The following RABGAP1L variants were observed in gnomAD, a reference collection of about 807,000 sequenced individuals.
RABGAP1L encodes the protein RAB GTPase activating protein 1 like.
Under a neutral mutation model 137.7 loss-of-function variants are expected in RABGAP1L, and 63 were observed. The ratio of observed to expected loss-of-function variants is 0.46; its 90% confidence interval spans 0.37 to 0.56. The LOEUF is 0.56. Among genes scored for constraint, RABGAP1L ranks in the 20% least tolerant of loss-of-function variants. RABGAP1L has a pLI of 0.00. For missense variants in RABGAP1L, 1,095 were observed against 1,244.0 expected, an observed-to-expected ratio of 0.88 and a Z score of 1.80; for synonymous variants, 431 against 433.7, an observed-to-expected ratio of 0.99 and a Z score of 0.08.
At chr1:174,878,769 G>T (rs1653592718) in intron 19 of RABGAP1L, among the ~76,000 whole-genome samples, 1 of 151,786 alleles carries the variant, frequency 6.6e-6, no homozygotes, top group Non-Finnish European at 1.5e-5. Context: ...AGACTTAAGG[G>T]TTATATCAAC....
intron 5 of RABGAP1L, among the ~76,000 whole-genome samples, 160 bp from the exon 6 acceptor site, chr1:174,250,315 A>G (rs1423356000): frequency 6.6e-6 from 1 of 152,138 alleles, no homozygotes; most frequent in African/African-American, 2.4e-5. Flanking sequence ...GTTGTCATGT[A>G]ATATCTAAAC....
chr1:174,674,054 G>A (rs1034843062), intron 14 of RABGAP1L, among the ~76,000 whole-genome samples: 6 of 143,912 alleles, frequency 4.2e-5, no homozygotes, highest in Admixed American at 4.1e-4. Flanking sequence ...GTTTTTGAGT[G>A]TTCAGAGTTT....
intron 13 of RABGAP1L, among the ~76,000 whole-genome samples, chr1:174,547,472 C>T (rs527999834): frequency 2.0e-4 from 31 of 152,184 alleles, no homozygotes; most frequent in Admixed American, 1.8e-3. Context: ...AAAAAATTAG[C>T]TGGATGTGAT....
At chr1:174,259,097 G>GTT (rs577033996) in intron 7 of RABGAP1L, among the ~76,000 whole-genome samples, 74 of 146,740 alleles carry the variant, frequency 5.0e-4, no homozygotes, top group Non-Finnish European at 4.8e-4. Flanking sequence ...CCAATATTCT[G>GTT]TTTTTTTTTT....
intron 19 of RABGAP1L, among the ~76,000 whole-genome samples, chr1:174,816,096 C>A (rs1690361490): frequency 7.3e-6 from 1 of 137,466 alleles, no homozygotes; most frequent in South Asian, 2.5e-4. Flanking sequence ...ATTTGAATTT[C>A]TTTGTATGAA....
chr1:174,759,644 C>T (rs1418874085), intron 18 of RABGAP1L, among the ~76,000 whole-genome samples: 1 of 151,636 alleles, frequency 6.6e-6, no homozygotes, highest in Non-Finnish European at 1.5e-5. Flanking sequence ...TACAGTTCAA[C>T]AGGTTATATA....
In RABGAP1L at chr1:174,762,112, A is replaced by G. The variant is rs116132089; in HGVS notation, c.2211+9758A>G. 2.0e-3 allele frequency among the ~76,000 whole-genome samples: 299 copies of G among 152,260 alleles called. 1 individual carries two copies. The highest frequency in any genetic ancestry group is 6.9e-3 in the African/African-American group (286 of 41,542). On this transcript the variant is annotated intron_variant, in intron 18 of 25. Coordinates refer to ENST00000681986, the MANE Select transcript of RABGAP1L (RefSeq NM_001366446.1). ...GATGGAAGCCAGCGAGACTGCAACA[A>G]GAGAGTGAGGGAAGGGCGGTAGGAG...
intron 1 of RABGAP1L, among the ~76,000 whole-genome samples, chr1:174,180,711 C>T (rs560910126): frequency 6.6e-5 from 10 of 152,304 alleles, no homozygotes; most frequent in African/African-American, 9.6e-5. Context: ...CAGTTATCCT[C>T]GTGCCTTGGC....
intron 17 of RABGAP1L, among the ~76,000 whole-genome samples, chr1:174,702,998 A>C (rs1679773777): frequency 6.6e-6 from 1 of 152,212 alleles, no homozygotes; most frequent in African/African-American, 2.4e-5. Context: ...TATATAAAAT[A>C]TAGCTATCTT....
chr1:174,472,013 T>C (rs1019825979), intron 13 of RABGAP1L, among the ~76,000 whole-genome samples: 5 of 152,198 alleles, frequency 3.3e-5, no homozygotes, highest in Middle Eastern at 3.2e-3. Context: ...TAATGCATGC[T>C]GTGTATAAGC....
chr1:174,936,971 A>ATTTTTTTTTT (rs909397955), intron 19 of RABGAP1L, among the ~76,000 whole-genome samples: 84 of 101,516 alleles, frequency 8.3e-4, no homozygotes, highest in African/African-American at 3.2e-3. Flanking sequence ...TATAAGATTA[A>ATTTTTTTTTT]TTTTTTTTTT....
chr1:174,527,414 G>T (rs894004864), intron 13 of RABGAP1L, among the ~76,000 whole-genome samples: 3 of 151,844 alleles, frequency 2.0e-5, no homozygotes, highest in Non-Finnish European at 4.4e-5. Context: ...TGTTGGCCAG[G>T]CAAGCTGGTC....
At chr1:174,645,952 T>C (rs573643797) in intron 14 of RABGAP1L, among the ~76,000 whole-genome samples, 6 of 152,340 alleles carry the variant, frequency 3.9e-5, no homozygotes, top group African/African-American at 1.4e-4. Flanking sequence ...ATTTCTCTAG[T>C]GACCAATTAT....
intron 13 of RABGAP1L, among the ~76,000 whole-genome samples, chr1:174,578,625 A>C (rs904835973): frequency 6.6e-6 from 1 of 152,200 alleles, no homozygotes; most frequent in East Asian, 1.9e-4. Context: ...ATTTGTGAAG[A>C]GGTTAATTTT....
chr1:174,588,019 A>G lies in RABGAP1L; in HGVS notation c.1711-49356A>G, dbSNP rs535398218. ...GTTGGGACTACAGGCGTGCACAACCAGGCTTGGCTAAGTTTTTTGTATTTT... is the reference window on the plus strand; with the variant it reads ...GTTGGGACTACAGGCGTGCACAACCGGGCTTGGCTAAGTTTTTTGTATTTT... On this transcript the variant is annotated intron_variant, in intron 13 of 25. Coordinates refer to ENST00000681986, the MANE Select transcript of RABGAP1L (RefSeq NM_001366446.1). 2.0e-5 allele frequency among the ~76,000 whole-genome samples: 3 copies of G among 152,080 alleles called. No individual in the cohort carries two copies. The East Asian group carries it at 5.8e-4, about 29-fold the overall frequency.
At chr1:174,615,075 A>G (rs1041426804) in intron 13 of RABGAP1L, among the ~76,000 whole-genome samples, 5 of 152,166 alleles carry the variant, frequency 3.3e-5, no homozygotes, top group African/African-American at 2.4e-5. Flanking sequence ...TCTTCTCTCA[A>G]CTCGTCAAAG....
intron 5 of RABGAP1L, chr1:174,243,098 C>T (rs1228922927): frequency 6.6e-6 from 1 of 152,064 alleles, no homozygotes; most frequent in African/African-American, 2.4e-5. Flanking sequence ...CTTTGAAGAC[C>T]TGGAAAATCT....
chr1:174,517,950 A>G (rs1663015557), intron 13 of RABGAP1L, among the ~76,000 whole-genome samples: 2 of 152,136 alleles, frequency 1.3e-5, no homozygotes, highest in Non-Finnish European at 2.9e-5. Flanking sequence ...TTTAGGAAAA[A>G]TATTTTCTGG....
Position 174,550,238 on chromosome 1 carries a change from G to A in RABGAP1L, c.1711-87137G>A, listed in dbSNP as rs145541540. ...CTGAGGAAAACCAAAAGGAGGATTG[G>A]TAATTAAAAGTAGTTAATTTTTACA... is the stretch of plus-strand genomic sequence containing the variant. On this transcript the variant is annotated intron_variant, in intron 13 of 25. Transcript: ENST00000681986. 2.2e-3 allele frequency among the ~76,000 whole-genome samples: 331 copies of A among 152,210 alleles called. 1 individual carries two copies. Among genetic ancestry groups the A allele is most frequent in the African/African-American group, 7.5e-3 (313 of 41,506 alleles).
Sources: gnomAD v4.1 joint callset for allele counts (sites outside exome capture counted in the v4.1 genomes callset) on GRCh38, gnomAD v4.1.1 for gene constraint, MANE v1.5 for transcripts, NCBI Gene and HGNC (gene_info 2026-07-23, HGNC 2026-07-21) for gene names.